Variants in RBFOX1 observed in about 807,000 individuals in gnomAD.
The protein encoded by RBFOX1 is RNA binding fox-1 homolog 1, also known as RNA binding protein fox-1 homolog 1.
Under a neutral mutation model 57.7 loss-of-function variants are expected in RBFOX1, and 8 were observed. That is an observed-to-expected ratio of 0.14 (90% CI 0.08 to 0.25). RBFOX1 has a LOEUF of 0.25. Among genes scored for constraint, RBFOX1 ranks in the 10% least tolerant of loss-of-function variants. The pLI is 1.00. For missense variants in RBFOX1, 611 were observed against 548.5 expected, an observed-to-expected ratio of 1.11 and a Z score of -1.14; for synonymous variants, 326 against 222.4, an observed-to-expected ratio of 1.47 and a Z score of -4.15.
At chr16:6,469,176 A>G (rs2095118130) in intron 2 of RBFOX1, among the ~76,000 whole-genome samples, 1 of 152,194 alleles carries the variant, frequency 6.6e-6, no homozygotes, top group Admixed American at 6.5e-5. Context: ...GGTAGAAAAG[A>G]AAATAGAGTC....
At chr16:7,189,550 CCAA>C (rs2152604308) in intron 4 of RBFOX1, among the ~76,000 whole-genome samples, 1 of 141,468 alleles carries the variant, frequency 7.1e-6, no homozygotes, top group African/African-American at 2.7e-5. Flanking sequence ...ACTATGTCCC[CCAA>C]AACACACACA....
At chr16:5,340,557 T>C (rs2065010675) in intron 1 of RBFOX1, among the ~76,000 whole-genome samples, 1 of 152,196 alleles carries the variant, frequency 6.6e-6, no homozygotes, top group Non-Finnish European at 1.5e-5. Flanking sequence ...AACACATTCA[T>C]GGAGCATTTA....
At chr16:7,439,641 T>C (rs2098750461) in intron 4 of RBFOX1, among the ~76,000 whole-genome samples, 1 of 152,212 alleles carries the variant, frequency 6.6e-6, no homozygotes, top group African/African-American at 2.4e-5. Context: ...TTCCTGAAGA[T>C]AAATTTTAGC....
At chr16:7,036,303 A>C (rs575001746) in intron 3 of RBFOX1, among the ~76,000 whole-genome samples, 8 of 152,226 alleles carry the variant, frequency 5.3e-5, no homozygotes, top group Admixed American at 4.6e-4. Flanking sequence ...TCCCATCCTA[A>C]AACTTTCAGA....
intron 4 of RBFOX1, among the ~76,000 whole-genome samples, chr16:7,400,974 A>T (rs1162738430): frequency 1.3e-5 from 2 of 152,210 alleles, no homozygotes; most frequent in African/African-American, 4.8e-5. Flanking sequence ...TACCCTGCCA[A>T]CCTTGGAACC....
chr16:7,433,077 C>T (rs1216983953), intron 4 of RBFOX1, among the ~76,000 whole-genome samples: 1 of 152,214 alleles, frequency 6.6e-6, no homozygotes, highest in Non-Finnish European at 1.5e-5. Context: ...TCTTTCTCAG[C>T]AGCCTTGGAA....
intron 3 of RBFOX1, among the ~76,000 whole-genome samples, chr16:5,792,819 G>A (rs1047973291): frequency 1.3e-5 from 2 of 152,062 alleles, no homozygotes; most frequent in African/African-American, 4.8e-5. Flanking sequence ...CTCCAGCCTG[G>A]GCAACAAGAG....
intron 4 of RBFOX1, among the ~76,000 whole-genome samples, chr16:5,961,291 T>C (rs1372860414): frequency 6.6e-6 from 1 of 152,176 alleles, no homozygotes; most frequent in Non-Finnish European, 1.5e-5. Context: ...AAGAATCCAT[T>C]AGGTAAGTAC....
At chr16:6,947,700 G>C (rs1238493357) in intron 3 of RBFOX1, among the ~76,000 whole-genome samples, 1 of 152,202 alleles carries the variant, frequency 6.6e-6, no homozygotes, top group African/African-American at 2.4e-5. Context: ...CTGAGCCTCA[G>C]TTTGCTGAAA....
intron 4 of RBFOX1, among the ~76,000 whole-genome samples, chr16:7,199,641 C>G (rs147182543): frequency 6.6e-6 from 1 of 152,192 alleles, no homozygotes; most frequent in Non-Finnish European, 1.5e-5. Context: ...CGCCTGTAAT[C>G]CCAGCACTTT....
At chr16:6,506,624 A>ATTTTTTTTTTTTTTT (rs71145238) in intron 2 of RBFOX1, among the ~76,000 whole-genome samples, 6 of 98,420 alleles carry the variant, frequency 6.1e-5, no homozygotes, top group African/African-American at 1.7e-4. Flanking sequence ...ACAGTAGCTA[A>ATTTTTTTTTTTTTTT]TTTTTTTTTT....
chr16:6,858,830 T>G (rs1044207832), intron 3 of RBFOX1, among the ~76,000 whole-genome samples: 2 of 152,020 alleles, frequency 1.3e-5, no homozygotes, highest in Non-Finnish European at 2.9e-5. Context: ...GTTAGAAGTA[T>G]AATCTTCAAT....
chr16:5,733,521 A>G lies in RBFOX1; in HGVS notation c.319-133782A>G, dbSNP rs145184273. On this transcript the variant is annotated intron_variant, in intron 3 of 19. Transcript: ENST00000641259. Reference sequence around the variant, plus strand: ...CTGGGCCGGGGTGGTCATGCCTGATATTTACGTGACCTTGGCCAGGTCAGC... The same window carrying G: ...CTGGGCCGGGGTGGTCATGCCTGATGTTTACGTGACCTTGGCCAGGTCAGC... Among the ~76,000 whole-genome samples the G allele has an allele frequency of 3.6e-3, 542 of 152,204 alleles. 1 individual carries two copies. Among genetic ancestry groups the G allele is most frequent in the Admixed American group, 9.5e-3 (146 of 15,294 alleles).
chr16:7,165,694 G>A (rs994705069), intron 4 of RBFOX1, among the ~76,000 whole-genome samples: 7 of 151,858 alleles, frequency 4.6e-5, no homozygotes, highest in African/African-American at 1.7e-4. Context: ...CTTCCAAAGT[G>A]TTGGGATTAC....
intron 3 of RBFOX1, among the ~76,000 whole-genome samples, chr16:5,650,959 T>G (rs1425376269): frequency 1.3e-5 from 2 of 151,162 alleles, no homozygotes; most frequent in Non-Finnish European, 3.0e-5. Flanking sequence ...TTCTCTCTTT[T>G]CTTTCCTCCC....
At chr16:6,650,872 A>C (rs1318458869) in intron 2 of RBFOX1, among the ~76,000 whole-genome samples, 1 of 152,126 alleles carries the variant, frequency 6.6e-6, no homozygotes, top group Non-Finnish European at 1.5e-5. Flanking sequence ...ACCACAATGG[A>C]GTCCCTAATG....
At chr16:7,285,017 A>G (rs1305539540) in intron 4 of RBFOX1, among the ~76,000 whole-genome samples, 3 of 151,184 alleles carry the variant, frequency 2.0e-5, no homozygotes, top group Non-Finnish European at 2.9e-5. Context: ...GCCTCTTCAG[A>G]AAAGCCTTCC....
intron 4 of RBFOX1, among the ~76,000 whole-genome samples, 187 bp downstream of exon 4, chr16:7,052,285 G>A (rs1301472428): frequency 1.3e-5 from 2 of 152,140 alleles, no homozygotes; most frequent in Admixed American, 6.6e-5. Context: ...ATCTTCTTTG[G>A]AAGTGCCGTT....
chr16:6,605,842 G>C lies in RBFOX1; in HGVS notation c.-63-48761G>C, dbSNP rs114033831. 3.6e-3 allele frequency among the ~76,000 whole-genome samples: 543 copies of C among 152,286 alleles called. 5 individuals are homozygous for C. The highest frequency in any genetic ancestry group is 0.012 in the African/African-American group (500 of 41,574). On this transcript the variant is annotated intron_variant, in intron 2 of 15. Coordinates refer to ENST00000550418, the MANE Select transcript of RBFOX1 (RefSeq NM_018723.4). Reference sequence around the variant, plus strand: ...TGGCAGGCCACAGTGGCTCACTCCTGTAATCCCAGCACTCTAGGAGTCTGA... The same window carrying C: ...TGGCAGGCCACAGTGGCTCACTCCTCTAATCCCAGCACTCTAGGAGTCTGA...
Sources: gnomAD v4.1 joint callset for allele counts (sites outside exome capture counted in the v4.1 genomes callset) on GRCh38, gnomAD v4.1.1 for gene constraint, MANE v1.5 for transcripts, NCBI Gene and HGNC (gene_info 2026-07-23, HGNC 2026-07-21) for gene names.